The following FAM135A variants were observed in gnomAD, a reference collection of about 807,000 sequenced individuals.
The protein encoded by FAM135A is family with sequence similarity 135 member A.
Under a neutral mutation model 146.8 loss-of-function variants are expected in FAM135A, and 79 were observed. The ratio of observed to expected loss-of-function variants is 0.54; its 90% confidence interval spans 0.45 to 0.65. The LOEUF (loss-of-function observed/expected upper bound fraction) is 0.65, where lower values mean the gene tolerates loss of function less well. Ranked by LOEUF, FAM135A falls within the 30% of genes least tolerant of loss-of-function variation. The probability of loss-of-function intolerance (pLI) is 0.00; values close to 1 mark genes in which losing one functional copy is unlikely to be tolerated. For synonymous variants in FAM135A, 562 were observed against 603.6 expected (o/e 0.93, Z 1.01); for missense variants, 1,623 against 1,758.2 (o/e 0.92, Z 1.38).
intron 13 of FAM135A, among the ~76,000 whole-genome samples, chr6:70,522,874 A>T (rs903273815): frequency 1.3e-5 from 2 of 152,028 alleles, no homozygotes; most frequent in African/African-American, 4.8e-5. Flanking sequence ...GTAGCCTTCC[A>T]TTTAGCCATA....
At chr6:70,502,952 T>C in intron 12 of FAM135A, 161 bp downstream of exon 12, 3 of 727,436 alleles carry the variant, frequency 4.1e-6, no homozygotes, top group Middle Eastern at 4.2e-4. Flanking sequence ...AATAATAGAA[T>C]AGAACAATAC....
chr6:70,427,682 C>T lies in FAM135A; in HGVS notation c.-39-622C>T, dbSNP rs913902144. ...TTTACAAATGCACACACATGAAGAACGTACCAAAGTATGTATTTCAGTGGA... is the reference window on the plus strand; with the variant it reads ...TTTACAAATGCACACACATGAAGAATGTACCAAAGTATGTATTTCAGTGGA... On this transcript the variant is annotated intron_variant, in intron 3 of 21. Transcript: ENST00000418814. Among the ~76,000 whole-genome samples the T allele has an allele frequency of 4.6e-5, 7 of 152,060 alleles. 1 individual carries two copies. Among genetic ancestry groups the T allele is most frequent in the South Asian group, 2.1e-4 (1 of 4,828 alleles).
intron 2 of FAM135A, among the ~76,000 whole-genome samples, chr6:70,418,993 G>C (rs189789339): frequency 6.6e-6 from 1 of 152,318 alleles, no homozygotes; most frequent in East Asian, 1.9e-4. Flanking sequence ...CTGGGATTTA[G>C]GAAAGATGGC....
At position 70,553,255 on chromosome 6, in the gene FAM135A, T is replaced by C. The variant is rs181239681; in HGVS notation, c.4229-3495T>C. ...TGGACCCACCTATAACTGCACACCA[T>C]AGAAGTTCTCCTTTAACCTGTTGAT... is the stretch of plus-strand genomic sequence containing the variant. On this transcript the variant is annotated intron_variant, in intron 20 of 21. Coordinates refer to ENST00000418814, the MANE Select transcript of FAM135A (RefSeq NM_001162529.3). Among the ~76,000 whole-genome samples, 386 of 152,302 alleles carry C rather than the reference T, an allele frequency of 2.5e-3. 2 individuals are homozygous for C. The highest frequency in any genetic ancestry group is 4.4e-3 in the Non-Finnish European group (300 of 68,022).
chr6:70,537,638 A>AT (rs747255253), intron 19 of FAM135A, among the ~76,000 whole-genome samples: 49 of 152,208 alleles, frequency 3.2e-4, no homozygotes, highest in Non-Finnish European at 5.1e-4. Context: ...TTTTCCTTTA[A>AT]TTTTCTCCTG....
chr6:70,556,595 T>A (rs761230801), intron 20 of FAM135A, 155 bp from the exon 21 acceptor site: 17 of 538,274 alleles, frequency 3.2e-5, no homozygotes, highest in Non-Finnish European at 4.8e-5. Context: ...GTAGAGAACA[T>A]ACAGAAATTT....
Position 70,559,751 on chromosome 6 carries a change from C to G in FAM135A, c.4378C>G (p.Arg1460Gly). 1 of 1,614,022 alleles carries G rather than the reference C, an allele frequency of 6.2e-7. No individual in the cohort carries two copies. The highest frequency in any genetic ancestry group is 8.5e-7 in the Non-Finnish European group (1 of 1,179,998). ...IYSEMIHNLL[R>G]PVLQSKDCNL... ...TTCAGAAATGATCCACAACTTGCTTCGACCCGTTCTGCAAAGCAAGGACTG... is the reference window on the plus strand; with the variant it reads ...TTCAGAAATGATCCACAACTTGCTTGGACCCGTTCTGCAAAGCAAGGACTG... Residue 1460 changes from arginine (R) to glycine (G), a missense_variant, in exon 22 of 22, where the codon CGA becomes GGA. Around this residue, in one of 7 missense-constraint regions of FAM135A, gnomAD observed 138 missense variants for 174.1 expected, o/e 0.79. Coordinates refer to ENST00000418814, the MANE Select transcript of FAM135A (RefSeq NM_001162529.3).
intron 20 of FAM135A, among the ~76,000 whole-genome samples, chr6:70,550,215 T>C (rs1264493834): frequency 1.3e-5 from 2 of 152,206 alleles, no homozygotes; most frequent in African/African-American, 2.4e-5. Flanking sequence ...CTTGTAGATA[T>C]TTGACCTCCT....
At chr6:70,484,218 T>C (rs992924993) in intron 10 of FAM135A, among the ~76,000 whole-genome samples, 3 of 152,172 alleles carry the variant, frequency 2.0e-5, no homozygotes, top group Admixed American at 1.3e-4. Flanking sequence ...CAGCTCAGCA[T>C]TGGGATGGGA....
At chr6:70,449,795 A>G (rs1776637893) in intron 4 of FAM135A, among the ~76,000 whole-genome samples, 3 of 152,172 alleles carry the variant, frequency 2.0e-5, no homozygotes, top group African/African-American at 7.2e-5. Flanking sequence ...GAATTGCTGG[A>G]TCATATGGTA....
intron 10 of FAM135A, chr6:70,486,268 A>C: frequency 6.2e-7 from 1 of 1,600,180 alleles, no homozygotes; most frequent in Non-Finnish European, 8.5e-7. Flanking sequence ...TAGCTTAAGT[A>C]AATGATCCCT....
chr6:70,449,269 C>G (rs565004187), intron 4 of FAM135A, among the ~76,000 whole-genome samples: 1 of 151,960 alleles, frequency 6.6e-6, no homozygotes, highest in Admixed American at 6.5e-5. Flanking sequence ...CATTTTAAAT[C>G]TATTCTTTTA....
intron 10 of FAM135A, among the ~76,000 whole-genome samples, chr6:70,485,084 C>T (rs1052815218): frequency 6.6e-6 from 1 of 152,064 alleles, no homozygotes; most frequent in Non-Finnish European, 1.5e-5. Context: ...CTAAAGCAAA[C>T]CCAGACTTCA....
intron 20 of FAM135A, among the ~76,000 whole-genome samples, chr6:70,541,022 C>T (rs1797822934): frequency 6.6e-6 from 1 of 152,182 alleles, no homozygotes; most frequent in African/African-American, 2.4e-5. Context: ...TTTCTACCTA[C>T]CAACATTAAT....
intron 20 of FAM135A, among the ~76,000 whole-genome samples, chr6:70,554,773 G>C (rs1042189712): frequency 2.0e-5 from 3 of 152,162 alleles, no homozygotes; most frequent in African/African-American, 7.2e-5. Context: ...GATTATAGGT[G>C]GCTGCCACCA....
chr6:70,526,752 CACACACACACACATACA>C, intron 15 of FAM135A, 54 bp downstream of exon 15: 1 of 580,380 alleles, frequency 1.7e-6, no homozygotes, highest in Non-Finnish European at 2.5e-6. Flanking sequence ...TATATATATA[CACACACACACACATACA>C]CACACACACA....
At chr6:70,503,833 A>G (rs1394241868) in intron 12 of FAM135A, 1 of 152,182 alleles carries the variant, frequency 6.6e-6, no homozygotes, top group East Asian at 1.9e-4. Context: ...TAGATTGTTC[A>G]TTATCATTGC....
At chr6:70,558,104 C>A (rs1212856351) in intron 21 of FAM135A, among the ~76,000 whole-genome samples, 1 of 152,182 alleles carries the variant, frequency 6.6e-6, no homozygotes, top group Non-Finnish European at 1.5e-5. Context: ...GTTTAGACTT[C>A]TTCCTGTATT....
At chr6:70,469,435 T>A (rs967532838) in intron 5 of FAM135A, among the ~76,000 whole-genome samples, 4 of 152,200 alleles carry the variant, frequency 2.6e-5, no homozygotes, top group African/African-American at 9.7e-5. Context: ...TCACAGCAAT[T>A]TAGAATTACT....
Sources: allele counts gnomAD v4.1 joint callset (sites outside exome capture counted in the v4.1 genomes callset), GRCh38; gene constraint gnomAD v4.1.1; regional missense constraint gnomAD v4.1.1; transcripts MANE v1.5; gene names NCBI Gene and HGNC (gene_info 2026-07-23, HGNC 2026-07-21).